Variants in DLG2 observed in about 807,000 individuals in gnomAD.
DLG2 encodes discs large MAGUK scaffold protein 2.
Under a neutral mutation model 132.5 loss-of-function variants are expected in DLG2, and 45 were observed. The ratio of observed to expected loss-of-function variants is 0.34; its 90% CI spans 0.27 to 0.44. The LOEUF is 0.44. Among genes scored for constraint, DLG2 ranks in the 20% least tolerant of loss-of-function variants. DLG2 has a pLI of 1.00. For missense variants in DLG2, 1,045 were observed against 1,196.9 expected, an observed-to-expected ratio of 0.87 and a Z score of 1.87; for synonymous variants, 424 against 419.6, an observed-to-expected ratio of 1.01 and a Z score of -0.13.
intron 6 of DLG2, among the ~76,000 whole-genome samples, chr11:84,807,956 A>T (rs969885163): frequency 6.6e-6 from 1 of 152,192 alleles, no homozygotes; most frequent in Admixed American, 6.5e-5. Flanking sequence ...GCCAAAAATC[A>T]GAATGCATAT....
chr11:85,301,116 G>T (rs1362605350), intron 3 of DLG2, among the ~76,000 whole-genome samples: 1 of 152,140 alleles, frequency 6.6e-6, no homozygotes, highest in Non-Finnish European at 1.5e-5. Context: ...TAGGAGACTT[G>T]CTTGAACCTG....
intron 4 of DLG2, among the ~76,000 whole-genome samples, chr11:85,265,330 T>C (rs1481991333): frequency 6.6e-6 from 1 of 152,238 alleles, no homozygotes; most frequent in Non-Finnish European, 1.5e-5. Context: ...GCTTTACATA[T>C]ATCAGTTCCA....
chr11:83,915,090 TAA>T (rs1478606897), intron 15 of DLG2, among the ~76,000 whole-genome samples: 1 of 152,102 alleles, frequency 6.6e-6, no homozygotes, highest in Non-Finnish European at 1.5e-5. Context: ...TCTGGAAGTT[TAA>T]AAAAAGTTTT....
intron 4 of DLG2, among the ~76,000 whole-genome samples, chr11:85,170,393 T>C (rs575980161): frequency 1.3e-5 from 2 of 152,280 alleles, no homozygotes; most frequent in African/African-American, 2.4e-5. Context: ...CCAGGTTTCA[T>C]GCTTGCTTTG....
At chr11:83,546,345 G>A (rs1249782231) in intron 19 of DLG2, among the ~76,000 whole-genome samples, 3 of 152,144 alleles carry the variant, frequency 2.0e-5, no homozygotes, top group Non-Finnish European at 4.4e-5. Context: ...CTGGGTTTAT[G>A]TCCCAGTTCT....
At chr11:84,444,048 C>G (rs558661277) in intron 7 of DLG2, among the ~76,000 whole-genome samples, 1 of 149,700 alleles carries the variant, frequency 6.7e-6, no homozygotes, top group Non-Finnish European at 1.5e-5. Context: ...GGAACAAGAT[C>G]TTGTCCTTTT....
At chr11:85,473,629 T>A (rs1243899594) in intron 3 of DLG2, among the ~76,000 whole-genome samples, 1 of 151,660 alleles carries the variant, frequency 6.6e-6, no homozygotes, top group Non-Finnish European at 1.5e-5. Context: ...AAAATTAAGG[T>A]GAAAATAAAA....
At chr11:85,617,423 T>C (rs912774924) in intron 2 of DLG2, among the ~76,000 whole-genome samples, 2 of 152,252 alleles carry the variant, frequency 1.3e-5, no homozygotes, top group African/African-American at 4.8e-5. Context: ...TCTGTTTTCT[T>C]GACAAAGAGC....
intron 6 of DLG2, among the ~76,000 whole-genome samples, chr11:84,848,570 A>G (rs2081796685): frequency 6.6e-6 from 1 of 152,140 alleles, no homozygotes; most frequent in Non-Finnish European, 1.5e-5. Flanking sequence ...ATGGAAGTGT[A>G]TATTAGCGTA....
chr11:85,062,076 C>T (rs1025442013), intron 6 of DLG2, among the ~76,000 whole-genome samples: 1 of 151,742 alleles, frequency 6.6e-6, no homozygotes, highest in Non-Finnish European at 1.5e-5. Flanking sequence ...AGTAAATAGG[C>T]AAGGGTTTCT....
chr11:84,962,775 T>C (rs926990275), intron 6 of DLG2, among the ~76,000 whole-genome samples: 2 of 152,220 alleles, frequency 1.3e-5, no homozygotes, highest in South Asian at 4.1e-4. Flanking sequence ...TAGTGATAAG[T>C]TGAAAGAATG....
chr11:84,515,161 C>G (rs2099268726), intron 7 of DLG2, among the ~76,000 whole-genome samples: 1 of 151,454 alleles, frequency 6.6e-6, no homozygotes, highest in South Asian at 2.1e-4. Context: ...TACAAAACAA[C>G]AAGAAAATAA....
At chr11:84,002,497 G>A (rs2094401275) in intron 11 of DLG2, among the ~76,000 whole-genome samples, 1 of 152,142 alleles carries the variant, frequency 6.6e-6, no homozygotes, top group Non-Finnish European at 1.5e-5. Context: ...CGAGGTGGAG[G>A]TTCCTAAACT....
At chr11:83,508,313 T>C (rs2094834388) in intron 21 of DLG2, among the ~76,000 whole-genome samples, 1 of 150,820 alleles carries the variant, frequency 6.6e-6, no homozygotes, top group South Asian at 2.1e-4. Context: ...CTCAACTCAC[T>C]GCAAACTCTG....
intron 19 of DLG2, among the ~76,000 whole-genome samples, chr11:83,597,755 C>T (rs1010860869): frequency 4.9e-4 from 75 of 151,900 alleles, no homozygotes; most frequent in African/African-American, 1.8e-3. Context: ...ACTGCACTCC[C>T]ACCTGGAAGA....
At chr11:84,110,515 A>G (rs956261380) in intron 9 of DLG2, among the ~76,000 whole-genome samples, 1 of 152,196 alleles carries the variant, frequency 6.6e-6, no homozygotes, top group Admixed American at 6.5e-5. Flanking sequence ...TTGTTAGGGG[A>G]AATGCTTGTG....
intron 18 of DLG2, among the ~76,000 whole-genome samples, chr11:83,738,905 A>T (rs912643773): frequency 2.0e-5 from 3 of 152,304 alleles, no homozygotes; most frequent in Middle Eastern, 3.4e-3. Flanking sequence ...AATCCTGCTC[A>T]ACATCTTTTA....
At chr11:83,793,659 TG>T (rs2042113732) in intron 17 of DLG2, among the ~76,000 whole-genome samples, 1 of 152,198 alleles carries the variant, frequency 6.6e-6, no homozygotes, top group African/African-American at 2.4e-5. Context: ...CTAGGTAACC[TG>T]GGGAAGTCAC....
chr11:85,391,446 A>G (rs77235732), intron 3 of DLG2, among the ~76,000 whole-genome samples: 1 of 152,212 alleles, frequency 6.6e-6, no homozygotes, highest in East Asian at 1.9e-4. Context: ...CTATGAAGCC[A>G]GTATCACTAA....
Sources: gnomAD v4.1 joint callset for allele counts (sites outside exome capture counted in the v4.1 genomes callset) on GRCh38, gnomAD v4.1.1 for gene constraint, MANE v1.5 for transcripts, NCBI Gene and HGNC (gene_info 2026-07-23, HGNC 2026-07-21) for gene names.